Variants in SYNE2 observed in about 807,000 individuals in gnomAD.
SYNE2 encodes nesprin-2.
A neutral mutation model predicts 856.3 loss-of-function variants in SYNE2; 431 were observed. The ratio of observed to expected loss-of-function variants is 0.50; its 90% CI spans 0.47 to 0.55. The LOEUF (loss-of-function observed/expected upper bound fraction) is 0.55. Ranked by LOEUF, SYNE2 falls within the 20% of genes least tolerant of loss-of-function variation. The probability of loss-of-function intolerance (pLI) is 0.00; values close to 1 mark genes in which losing one functional copy is unlikely to be tolerated. For synonymous variants in SYNE2, 2,923 were observed against 2,872.3 expected, an observed-to-expected ratio of 1.02 and a Z score of -0.56; for missense variants, 8,129 against 8,023.2, an observed-to-expected ratio of 1.01 and a Z score of -0.50.
At chr14:64,202,268 A>G (rs2098575853) in intron 99 of SYNE2, 1 of 702,370 alleles carries the variant, frequency 1.4e-6, no homozygotes, top group South Asian at 1.5e-5. Flanking sequence ...CTGAAGCGGT[A>G]GGGCTTGGCA....
chr14:64,209,985 T>C lies in SYNE2; in HGVS notation c.18584T>C (p.Leu6195Pro), dbSNP rs1188863535. The C allele has an allele frequency of 6.2e-7, 1 of 1,613,880 alleles. No individual in the cohort carries two copies. Among genetic ancestry groups the C allele is most frequent in the Non-Finnish European group, 8.5e-7 (1 of 1,180,030 alleles). ...QIHERLTQLE[L>P]INKQYRRLAR... Reference sequence around the variant, plus strand: ...CATGAGCGGCTCACTCAGCTGGAGCTCATCAACAAGCAGTACCGGCGGCTG... The same window carrying C: ...CATGAGCGGCTCACTCAGCTGGAGCCCATCAACAAGCAGTACCGGCGGCTG... The change falls in exon 103 of 116, where the codon CTC becomes CCC. Residue 6195 changes from leucine to proline, a missense_variant. By Grantham distance (98) the Leu-to-Pro change is moderately conservative (BLOSUM62 -3). Coordinates refer to ENST00000555002, the MANE Select transcript of SYNE2 (RefSeq NM_182914.3).
chr14:63,997,169 C>G lies in SYNE2; in HGVS notation c.3152+11C>G, dbSNP rs1351316005. The G allele has an allele frequency of 1.9e-6, 3 of 1,611,188 alleles. No homozygotes were observed. The Admixed American group carries it at 5.0e-5, about 27-fold the overall frequency. Reference sequence around the variant, plus strand: ...CACGTCGAAAAACGAGTTAGTACTTCATAAGAATAGCTACCCTTCAGGATA... The same window carrying G: ...CACGTCGAAAAACGAGTTAGTACTTGATAAGAATAGCTACCCTTCAGGATA... On this transcript the variant is annotated intron_variant, in intron 24 of 115. Coordinates refer to ENST00000555002, the MANE Select transcript of SYNE2 (RefSeq NM_182914.3).
At chr14:63,783,170 T>C (rs1887377938) in intron 1 of SYNE2, among the ~76,000 whole-genome samples, 3 of 152,186 alleles carry the variant, frequency 2.0e-5, no homozygotes, top group Admixed American at 6.5e-5. Context: ...GCTATTCTCA[T>C]GATAGTGAAT....
rs182668300 is a variant in SYNE2 at position 64,141,214 on chromosome 14, G to A, written c.14977-127G>A. On this transcript the variant is annotated intron_variant, in intron 80 of 115. Coordinates refer to ENST00000555002, the MANE Select transcript of SYNE2 (RefSeq NM_182914.3). The stretch of plus-strand genomic sequence containing the variant: ...GCCCAACAGTAGGAAAAAGGGGTGT[G>A]TGTGTGTGTGTGTATACACATTCGT... 3,665 of 722,374 alleles carry A rather than the reference G, an allele frequency of 5.1e-3. 23 individuals carry two copies. The highest frequency in any genetic ancestry group is 7.0e-3 in the Non-Finnish European group (3,080 of 437,148). 44.7% of individuals were successfully genotyped at this position (722,374 alleles called of 1,614,324 possible). A position where few individuals can be genotyped will look rare whatever the true frequency, so the allele number is the denominator to read the frequency against.
intron 1 of SYNE2, among the ~76,000 whole-genome samples, chr14:63,791,407 T>C (rs1887726211): frequency 6.6e-6 from 1 of 152,232 alleles, no homozygotes. Flanking sequence ...CTCCATTGAC[T>C]TAGCATGGTA....
At chr14:64,225,205 C>G (rs1253304887) in intron 115 of SYNE2, 114 bp from the exon 116 acceptor site, 2 of 1,574,098 alleles carry the variant, frequency 1.3e-6, no homozygotes, top group Non-Finnish European at 1.7e-6. Flanking sequence ...AACTGTTGGC[C>G]CTATTTAAAT....
intron 1 of SYNE2, among the ~76,000 whole-genome samples, chr14:63,890,384 C>T (rs577388355): frequency 1.3e-5 from 2 of 152,118 alleles, no homozygotes; most frequent in Non-Finnish European, 2.9e-5. Context: ...TTAGGACTCA[C>T]AATCAAACAA....
intron 1 of SYNE2, chr14:63,808,529 C>CCTGCTG (rs1888477622): frequency 6.5e-6 from 1 of 153,270 alleles, no homozygotes; most frequent in African/African-American, 2.4e-5. Context: ...CCACCCAACC[C>CCTGCTG]CTGCTGCGCC....
At position 64,212,109 on chromosome 14, in the gene SYNE2, C is replaced by A; in HGVS notation, c.18861+11C>A. 1 of 1,613,916 alleles carries A rather than the reference C, an allele frequency of 6.2e-7. No individual in the cohort carries two copies. ...ATGCGCCAACTGAATGTGAGGGCTG[C>A]TGCTTCCCTAGCTCTTCTCAAAAGA... On this transcript the variant is annotated intron_variant, in intron 104 of 115. Coordinates refer to ENST00000555002, the MANE Select transcript of SYNE2 (RefSeq NM_182914.3).
chr14:64,159,571 C>A, intron 87 of SYNE2, 129 bp downstream of exon 87: 1 of 1,096,574 alleles, frequency 9.1e-7, no homozygotes, highest in East Asian at 2.6e-5. Flanking sequence ...GTTCTGGTCT[C>A]TTCTGCTTTG....
chr14:64,139,925 A>G lies in SYNE2; in HGVS notation c.14844-16A>G, dbSNP rs1283464969. On this transcript the variant is annotated splice_polypyrimidine_tract_variant and intron_variant, in intron 79 of 115. Coordinates refer to ENST00000555002, the MANE Select transcript of SYNE2 (RefSeq NM_182914.3). ...ATGTTTCTAATCTGCCTTCTCTCTC[A>G]CTTTGCTCCTGTTAGTTATAACAGA... 4.3e-6 allele frequency: 7 copies of G among 1,613,798 alleles called. No individual in the cohort carries two copies. The highest frequency in any genetic ancestry group is 1.3e-5 in the African/African-American group (1 of 74,918).
chr14:64,214,226 T>C lies in SYNE2; in HGVS notation c.19089T>C (p.Asn6363=). 1.9e-6 allele frequency: 3 copies of C among 1,614,092 alleles called. No individual in the cohort carries two copies. Among genetic ancestry groups the C allele is most frequent in the Non-Finnish European group, 2.5e-6 (3 of 1,180,022 alleles). Residue 6363 remains asparagine, a synonymous_variant, in exon 106 of 116, where the codon AAT becomes AAC. Coordinates refer to ENST00000555002, the MANE Select transcript of SYNE2 (RefSeq NM_182914.3). The stretch of plus-strand genomic sequence containing the variant: ...AAGATGAAAAGGAGGCCTCTGAGAA[T>C]GAAACAGACATGGAAGACCCCAGAG... ...GLEDEKEASE[N]ETDMEDPREI... is the part of the protein sequence containing the mutation.
intron 1 of SYNE2, among the ~76,000 whole-genome samples, chr14:63,872,926 G>A (rs2094622040): frequency 6.6e-6 from 1 of 151,984 alleles, no homozygotes; most frequent in Non-Finnish European, 1.5e-5. Flanking sequence ...ATATTCCATT[G>A]TATTAGTATG....
At chr14:64,178,486 C>T (rs1216119297) in intron 96 of SYNE2, among the ~76,000 whole-genome samples, 1 of 152,200 alleles carries the variant, frequency 6.6e-6, no homozygotes, top group East Asian at 1.9e-4. Flanking sequence ...GAGACAGGGT[C>T]TGGCTCTGTC....
intron 1 of SYNE2, among the ~76,000 whole-genome samples, chr14:63,813,710 TCAGAAATTCAA>T (rs1489649147): frequency 6.6e-6 from 1 of 151,818 alleles, no homozygotes; most frequent in Non-Finnish European, 1.5e-5. Flanking sequence ...GATCACGAGG[TCAGAAATTCAA>T]CACCAGCCTG....
chr14:64,211,361 G>A (rs1251224720), intron 103 of SYNE2, among the ~76,000 whole-genome samples: 1 of 152,220 alleles, frequency 6.6e-6, no homozygotes, highest in Non-Finnish European at 1.5e-5. Flanking sequence ...CTGAACATCA[G>A]CTGCCTATCT....
intron 94 of SYNE2, among the ~76,000 whole-genome samples, chr14:64,174,608 T>A (rs1220988892): frequency 1.3e-5 from 2 of 152,254 alleles, no homozygotes; most frequent in African/African-American, 4.8e-5. Context: ...CTCCATTCAC[T>A]TTCTTAATAC....
Position 64,022,821 on chromosome 14 carries a change from A to T in SYNE2, c.5595A>T (p.Ser1865=). 2 of 1,611,460 alleles carry T rather than the reference A, an allele frequency of 1.2e-6. No individual in the cohort carries two copies. The highest frequency in any genetic ancestry group is 1.7e-6 in the Non-Finnish European group (2 of 1,177,976). Residue 1865 remains serine, a synonymous_variant, in exon 38 of 116, where the codon TCA becomes TCT. Transcript: ENST00000555002. ...ACCTTAAGGAGTGTTTTGAATCATC[A>T]GAAACAAAAAAGAGTGTGGAACAAA... The part of the protein sequence containing the change: ...KVNLKECFES[S]ETKKSVEQKL...
At position 64,224,448 on chromosome 14, in the gene SYNE2, G is replaced by T. The variant is rs118059639; in HGVS notation, c.20383-13G>T. Reference sequence around the variant, plus strand: ...CACATTTCTGTGCTCAACCTTTGGGGTCTGAATTTCAGAACCCAGCCTCAC... The same window carrying T: ...CACATTTCTGTGCTCAACCTTTGGGTTCTGAATTTCAGAACCCAGCCTCAC... On this transcript the variant is annotated splice_polypyrimidine_tract_variant and intron_variant, in intron 113 of 115. Coordinates refer to ENST00000555002, the MANE Select transcript of SYNE2 (RefSeq NM_182914.3). 6.2e-7 allele frequency: 1 copy of T among 1,601,892 alleles called. No homozygotes were observed. Among genetic ancestry groups the T allele is most frequent in the Non-Finnish European group, 8.5e-7 (1 of 1,172,294 alleles).
Sources: allele counts gnomAD v4.1 joint callset (sites outside exome capture counted in the v4.1 genomes callset), GRCh38; gene constraint gnomAD v4.1.1; transcripts MANE v1.5; gene names NCBI Gene and HGNC (gene_info 2026-07-23, HGNC 2026-07-21).